The following CDK5RAP2 variants were observed in gnomAD, a reference collection of about 807,000 sequenced individuals.
CDK5RAP2 encodes CDK5 regulatory subunit-associated protein 2.
In CDK5RAP2, 147 loss-of-function variants were observed where a neutral mutation model predicts 232.9. The ratio of observed to expected loss-of-function variants is 0.63; its 90% CI spans 0.55 to 0.72. CDK5RAP2 has a LOEUF of 0.72. Among genes scored for constraint, CDK5RAP2 ranks in the 30% least tolerant of loss-of-function variants. The probability of loss-of-function intolerance (pLI) is 0.00; values close to 1 mark genes in which losing one functional copy is unlikely to be tolerated. For synonymous variants in CDK5RAP2, 833 were observed against 833.7 expected (o/e 1.00, Z 0.01); for missense variants, 2,195 against 2,231.5 (o/e 0.98, Z 0.33).
At position 120,415,129 on chromosome 9, in the gene CDK5RAP2, C is replaced by G; in HGVS notation, c.4208G>C (p.Arg1403Pro). 6.2e-7 allele frequency: 1 copy of G among 1,614,090 alleles called. No individual in the cohort carries two copies. Among genetic ancestry groups the G allele is most frequent in the Non-Finnish European group, 8.5e-7 (1 of 1,179,986 alleles). The change falls in exon 28 of 38, where the codon CGA (arginine) becomes CCA (proline). Residue 1403 changes from arginine to proline, a missense_variant. Physicochemically the swap from Arg to Pro is moderately radical, Grantham distance 103. Transcript: ENST00000349780. ...TTCTTCTAAACGCTTTCTCAAAGTTCGAATTTCCTGTATGTGTTCCATTAG... is the reference window on the plus strand; with the variant it reads ...TTCTTCTAAACGCTTTCTCAAAGTTGGAATTTCCTGTATGTGTTCCATTAG... ...DLLMEHIQEI[R>P]TLRKRLEESI...
chr9:120,484,350 T>TAA (rs572354832), intron 14 of CDK5RAP2, among the ~76,000 whole-genome samples: 1 of 152,220 alleles, frequency 6.6e-6, no homozygotes, highest in Non-Finnish European at 1.5e-5. Context: ...TGGGATTCCT[T>TAA]AAAGTGACAC....
At chr9:120,477,765 A>G (rs978369431) in intron 14 of CDK5RAP2, among the ~76,000 whole-genome samples, 3 of 152,238 alleles carry the variant, frequency 2.0e-5, no homozygotes, top group African/African-American at 7.2e-5. Context: ...GCTGCTGTTC[A>G]TCGTTTTTAA....
chr9:120,520,783 G>GAGATATATCTCATA (rs1221307021), intron 11 of CDK5RAP2, among the ~76,000 whole-genome samples: 96 of 141,138 alleles, frequency 6.8e-4, no homozygotes, highest in Admixed American at 9.7e-4. Flanking sequence ...GATATCTCAT[G>GAGATATATCTCATA]AGATATATCT....
intron 3 of CDK5RAP2, among the ~76,000 whole-genome samples, chr9:120,565,590 C>A (rs1564384791): frequency 6.6e-6 from 1 of 152,202 alleles, no homozygotes; most frequent in Admixed American, 6.5e-5. Context: ...CTCACACAGC[C>A]TCCTTCCAGC....
intron 25 of CDK5RAP2, 44 bp downstream of exon 25, chr9:120,437,251 T>A: frequency 1.4e-6 from 2 of 1,402,066 alleles, no homozygotes; most frequent in Non-Finnish European, 2.0e-6. Flanking sequence ...AAGTCCTGGG[T>A]CAATTACTGA....
In CDK5RAP2 at chr9:120,389,176, AC is replaced by A; in HGVS notation, c.*59del. 1 of 1,378,396 alleles carries A rather than the reference AC, an allele frequency of 7.3e-7. No homozygotes were observed. The highest frequency in any genetic ancestry group is 1.0e-6 in the Non-Finnish European group (1 of 974,518). The allele number at this position is 1,378,396 out of a possible 1,614,324, so 85.4% of individuals were successfully genotyped here. A position where few individuals can be genotyped will look rare whatever the true frequency, so the allele number is the denominator to read the frequency against. ...TCAATAAATAGGAACCACACTTGGA[AC>A]AAAGAGACAGCGTGAGCTCGGTGGG... On this transcript the variant is annotated 3_prime_UTR_variant, in exon 38 of 38. Coordinates refer to ENST00000349780, the MANE Select transcript of CDK5RAP2 (RefSeq NM_018249.6).
At chr9:120,546,907 G>C (rs990331256) in intron 4 of CDK5RAP2, among the ~76,000 whole-genome samples, 1 of 152,082 alleles carries the variant, frequency 6.6e-6, no homozygotes. Context: ...AAAGCACTGG[G>C]CTTACAGCTC....
At chr9:120,490,614 C>T (rs2038852951) in intron 13 of CDK5RAP2, among the ~76,000 whole-genome samples, 2 of 152,216 alleles carry the variant, frequency 1.3e-5, no homozygotes, top group Non-Finnish European at 2.9e-5. Flanking sequence ...GTGGAGAAAG[C>T]TGAATCCTAT....
intron 30 of CDK5RAP2, among the ~76,000 whole-genome samples, 189 bp downstream of exon 30, chr9:120,408,938 T>C (rs2033666328): frequency 6.6e-6 from 1 of 152,240 alleles, no homozygotes; most frequent in African/African-American, 2.4e-5. Flanking sequence ...AGCAACCCAC[T>C]GCCAAGCCCT....
At position 120,527,909 on chromosome 9, in the gene CDK5RAP2, A is replaced by G; in HGVS notation, c.896T>C (p.Leu299Pro). Residue 299 changes from leucine to proline, a missense_variant, in exon 10 of 38, where the codon CTG becomes CCG. By Grantham distance (98) the Leu-to-Pro change is moderately conservative (BLOSUM62 -3). Coordinates refer to ENST00000349780, the MANE Select transcript of CDK5RAP2 (RefSeq NM_018249.6). ...EERIQALEED[L>P]REKEREIATE... ...AGCAATTTCTCTTTCCTTCTCTCTCAGGTCCTCTTCAAGTGCCTAAATTAG... is the reference window on the plus strand; with the variant it reads ...AGCAATTTCTCTTTCCTTCTCTCTCGGGTCCTCTTCAAGTGCCTAAATTAG... 1 of 1,613,754 alleles carries G rather than the reference A, an allele frequency of 6.2e-7. No individual in the cohort carries two copies. The highest frequency in any genetic ancestry group is 8.5e-7 in the Non-Finnish European group (1 of 1,179,934).
intron 25 of CDK5RAP2, among the ~76,000 whole-genome samples, chr9:120,430,857 C>G (rs1467080628): frequency 6.6e-6 from 1 of 152,140 alleles, no homozygotes; most frequent in African/African-American, 2.4e-5. Flanking sequence ...GACTTGGAAC[C>G]AACCCAAATG....
chr9:120,497,947 C>T (rs1314188026), intron 12 of CDK5RAP2, among the ~76,000 whole-genome samples: 1 of 152,174 alleles, frequency 6.6e-6, no homozygotes, highest in African/African-American at 2.4e-5. Flanking sequence ...GGATAGAATC[C>T]AGGGCTCAAG....
At chr9:120,578,483 CAG>C (rs1434059066) in intron 1 of CDK5RAP2, among the ~76,000 whole-genome samples, 1 of 151,800 alleles carries the variant, frequency 6.6e-6, no homozygotes. Context: ...TCTCAATAAA[CAG>C]AAAAACCATT....
chr9:120,411,802 C>A (rs1436775071), intron 28 of CDK5RAP2, among the ~76,000 whole-genome samples: 1 of 152,198 alleles, frequency 6.6e-6, no homozygotes, highest in African/African-American at 2.4e-5. Context: ...CGCCTCACCA[C>A]TGAGGCAGCT....
In CDK5RAP2 at chr9:120,411,493, A is replaced by G; in HGVS notation, c.4298-19T>C. The stretch of plus-strand genomic sequence containing the variant: ...GTAGAACCTATAAAAACACACATAA[A>G]AACTGATTTATAAACAGTCTCCAGA... On this transcript the variant is annotated intron_variant, in intron 28 of 37. Transcript: ENST00000349780. 1 of 1,341,480 alleles carries G rather than the reference A, an allele frequency of 7.5e-7. No homozygotes were observed. The highest frequency in any genetic ancestry group is 2.2e-4 in the Middle Eastern group (1 of 4,516). 83.1% of individuals were successfully genotyped at this position (1,341,480 alleles called of 1,614,324 possible). A position where few individuals can be genotyped will look rare whatever the true frequency, so the allele number is the denominator to read the frequency against.
In CDK5RAP2 at chr9:120,407,095, GC is replaced by G. The variant is rs1564177048; in HGVS notation, c.4879del (p.Ala1627GlnfsTer50). ...SRLKEQLARG[A>X]EKAQEGALTL... is the part of the protein sequence containing the mutation. ...GAGGGCTCCTTCCTGTGCCTTCTCT[GC>G]CCCCCTTGCCAGCTGTTCCTTGAGC... On this transcript the variant is annotated frameshift_variant, in exon 32 of 38. Coordinates refer to ENST00000349780, the MANE Select transcript of CDK5RAP2 (RefSeq NM_018249.6). LOFTEE classifies it high-confidence loss of function. The G allele has an allele frequency of 9.9e-6, 16 of 1,614,024 alleles. No homozygotes were observed. Among genetic ancestry groups the G allele is most frequent in the South Asian group, 5.5e-5 (5 of 91,082 alleles).
At chr9:120,534,279 T>C (rs2041290633) in intron 7 of CDK5RAP2, among the ~76,000 whole-genome samples, 1 of 152,202 alleles carries the variant, frequency 6.6e-6, no homozygotes, top group Admixed American at 6.5e-5. Context: ...GCCATGTTCC[T>C]TCTTGCCTCT....
In CDK5RAP2 at chr9:120,530,043, C is replaced by T. The variant is rs1472359895; in HGVS notation, c.760G>A (p.Val254Met). ...AGTCCTCGGAGCTCTCCAGATGACA[C>T]ATTCTCATCAGGACATGCCATCTGA... ...KSQMACPDENVSSGELRGLCA... is the reference protein window; with the variant it reads ...KSQMACPDENMSSGELRGLCA... The change falls in exon 8 of 38, where the codon GTG becomes ATG. Residue 254 changes from valine to methionine, a missense_variant. Transcript: ENST00000349780. The T allele has an allele frequency of 6.2e-7, 1 of 1,613,322 alleles. No homozygotes were observed. The highest frequency in any genetic ancestry group is 8.5e-7 in the Non-Finnish European group (1 of 1,179,260).
At chr9:120,551,035 T>A in intron 3 of CDK5RAP2, 133 bp from the exon 4 acceptor site, 1 of 684,346 alleles carries the variant, frequency 1.5e-6, no homozygotes. Flanking sequence ...AGAAAGCTTA[T>A]TTTTGCTACC....
Sources: allele counts gnomAD v4.1 joint callset (sites outside exome capture counted in the v4.1 genomes callset), GRCh38; gene constraint gnomAD v4.1.1; transcripts MANE v1.5; gene names NCBI Gene and HGNC (gene_info 2026-07-23, HGNC 2026-07-21).